MMP16: variants seen among roughly 807,000 people sequenced by gnomAD.
MMP16 encodes the protein matrix metallopeptidase 16, also known as matrix metalloproteinase-16.
Under a neutral mutation model 67.8 loss-of-function variants are expected in MMP16, and 12 were observed. That is an observed-to-expected ratio of 0.18 (90% CI 0.11 to 0.29). The LOEUF (loss-of-function observed/expected upper bound fraction) is 0.29. Among genes scored for constraint, MMP16 ranks in the 10% least tolerant of loss-of-function variants. The probability of loss-of-function intolerance (pLI) is 1.00; values close to 1 mark genes in which losing one functional copy is unlikely to be tolerated. For missense variants in MMP16, 475 were observed against 765.7 expected (o/e 0.62, Z 4.48); for synonymous variants, 249 against 255.9 (o/e 0.97, Z 0.26).
At chr8:88,089,630 A>T (rs1808899967) in intron 6 of MMP16, among the ~76,000 whole-genome samples, 1 of 151,958 alleles carries the variant, frequency 6.6e-6, no homozygotes, top group Middle Eastern at 3.2e-3. Context: ...ATACATGGGG[A>T]TTCAGAAGGG....
rs572865762 is a variant in MMP16 at position 88,321,824 on chromosome 8, A to G, written c.132+5251T>C. On this transcript the variant is annotated intron_variant, in intron 1 of 9. Transcript: ENST00000286614. ...TCTCATTGTTGCAGATGAGATATCAAATAAGTTACATGTCCAAGTTCAAAG... is the reference window on the plus strand; with the variant it reads ...TCTCATTGTTGCAGATGAGATATCAGATAAGTTACATGTCCAAGTTCAAAG... Among the ~76,000 whole-genome samples the G allele has an allele frequency of 1.7e-4, 26 of 152,284 alleles. No homozygotes were observed. The South Asian group carries it at 5.2e-3, about 30-fold the overall frequency.
intron 1 of MMP16, among the ~76,000 whole-genome samples, chr8:88,249,836 C>T (rs1487630355): frequency 6.6e-6 from 1 of 152,050 alleles, no homozygotes; most frequent in African/African-American, 2.4e-5. Context: ...CTGTGTCCAA[C>T]TAGGTGTTTC....
rs572147536 is a variant in MMP16 at position 88,042,207 on chromosome 8, G to T, written c.1490-412C>A. Reference sequence around the variant, plus strand: ...AAACAGCCTTATAAACTGAAACACTGTTTACCCTCAGGCTGTTACTGGGAA... The same window carrying T: ...AAACAGCCTTATAAACTGAAACACTTTTTACCCTCAGGCTGTTACTGGGAA... On this transcript the variant is annotated intron_variant, in intron 9 of 9. Transcript: ENST00000286614. 2.0e-5 allele frequency among the ~76,000 whole-genome samples: 3 copies of T among 152,262 alleles called. No individual in the cohort carries two copies. The South Asian group carries it at 6.2e-4, about 32-fold the overall frequency.
At chr8:88,208,713 A>G (rs139942077) in intron 1 of MMP16, among the ~76,000 whole-genome samples, 1 of 152,248 alleles carries the variant, frequency 6.6e-6, no homozygotes, top group Non-Finnish European at 1.5e-5. Flanking sequence ...TCTTGAAACA[A>G]TAAATTCTTG....
chr8:88,276,850 C>T (rs945592121), intron 1 of MMP16, among the ~76,000 whole-genome samples: 1 of 152,064 alleles, frequency 6.6e-6, no homozygotes, highest in South Asian at 2.1e-4. Flanking sequence ...AAGTTTCATT[C>T]TTTCCATGTC....
intron 1 of MMP16, among the ~76,000 whole-genome samples, chr8:88,297,866 G>GT (rs1441031646): frequency 6.6e-6 from 1 of 152,208 alleles, no homozygotes; most frequent in Admixed American, 6.5e-5. Context: ...TTAGCACAAT[G>GT]TCTGGCACAT....
intron 6 of MMP16, among the ~76,000 whole-genome samples, chr8:88,110,041 A>G (rs1485561722): frequency 1.3e-5 from 2 of 151,374 alleles, no homozygotes; most frequent in Non-Finnish European, 3.0e-5. Flanking sequence ...GAATTTTACC[A>G]AAATAAAATG....
chr8:88,185,687 G>C (rs1028259494), intron 3 of MMP16, among the ~76,000 whole-genome samples: 1 of 152,090 alleles, frequency 6.6e-6, no homozygotes, highest in Non-Finnish European at 1.5e-5. Flanking sequence ...GGTTTAACAA[G>C]TTCTTTCCTT....
intron 4 of MMP16, among the ~76,000 whole-genome samples, chr8:88,121,473 T>C (rs575012642): frequency 6.6e-6 from 1 of 152,152 alleles, no homozygotes; most frequent in South Asian, 2.1e-4. Context: ...GTGATTTGAA[T>C]TCCACTAGGA....
chr8:88,145,728 C>G (rs1808279602), intron 4 of MMP16, among the ~76,000 whole-genome samples: 1 of 151,980 alleles, frequency 6.6e-6, no homozygotes, highest in South Asian at 2.1e-4. Context: ...TAAAAGCAAT[C>G]TTCTTAGTCT....
At chr8:88,174,191 T>G (rs1808848371) in intron 3 of MMP16, among the ~76,000 whole-genome samples, 1 of 152,184 alleles carries the variant, frequency 6.6e-6, no homozygotes, top group Admixed American at 6.5e-5. Context: ...AAATAGAAAC[T>G]AATCAATATA....
chr8:88,145,361 G>A (rs973992463), intron 4 of MMP16, among the ~76,000 whole-genome samples: 33 of 151,886 alleles, frequency 2.2e-4, no homozygotes, highest in Admixed American at 1.3e-3. Context: ...AGGAAAAAAT[G>A]GTATTATAAT....
chr8:88,156,356 T>TCTGA (rs1240547164), intron 4 of MMP16, among the ~76,000 whole-genome samples: 4 of 152,120 alleles, frequency 2.6e-5, no homozygotes, highest in African/African-American at 9.7e-5. Flanking sequence ...AGTCTTCTTT[T>TCTGA]CTGATGCATT....
chr8:88,074,670 C>T lies in MMP16; in HGVS notation c.1157G>A (p.Arg386Gln), dbSNP rs368200792. 28 of 1,613,568 alleles carry T rather than the reference C, an allele frequency of 1.7e-5. No individual in the cohort carries two copies. The highest frequency in any genetic ancestry group is 2.2e-5 in the Non-Finnish European group (26 of 1,179,768). The stretch of plus-strand genomic sequence containing the variant: ...TGCATCGATACTAGGAGGCAAGCCC[C>T]GCCAGAAGTAAGTAATTTGCATTGG... ...GYPMQITYFW[R>Q]GLPPSIDAVY... The change falls in exon 7 of 10, where the codon CGG becomes CAG. Residue 386 changes from arginine (R) to glutamine (Q), a missense_variant. Arg to Gln is a conservative substitution (Grantham distance 43). Transcript: ENST00000286614.
Position 88,219,901 on chromosome 8 carries a change from T to C in MMP16, c.133-22595A>G, listed in dbSNP as rs545624116. ...TTTGAAAGGAGTCAAAACAGTCTTT[T>C]CATTTTTTTAAATTTCTTCTTATGA... On this transcript the variant is annotated intron_variant, in intron 1 of 9. Coordinates refer to ENST00000286614, the MANE Select transcript of MMP16 (RefSeq NM_005941.5). 1.4e-3 allele frequency among the ~76,000 whole-genome samples: 206 copies of C among 152,218 alleles called. 3 individuals are homozygous for C. The highest frequency in any genetic ancestry group is 3.4e-3 in the Middle Eastern group (1 of 294).
At chr8:88,151,770 C>T (rs981469818) in intron 4 of MMP16, among the ~76,000 whole-genome samples, 1 of 150,490 alleles carries the variant, frequency 6.6e-6, no homozygotes, top group African/African-American at 2.5e-5. Flanking sequence ...AGGAAAGATC[C>T]AAAATTGACA....
intron 6 of MMP16, among the ~76,000 whole-genome samples, chr8:88,096,890 T>C (rs1377297548): frequency 6.6e-6 from 1 of 151,970 alleles, no homozygotes; most frequent in African/African-American, 2.4e-5. Context: ...TTTAAAACAC[T>C]GTAAGTGATC....
intron 1 of MMP16, among the ~76,000 whole-genome samples, chr8:88,222,843 A>T (rs571052275): frequency 1.3e-5 from 2 of 152,304 alleles, no homozygotes; most frequent in African/African-American, 4.8e-5. Context: ...AAACAGACAA[A>T]TGGGATCTAA....
At chr8:88,193,013 A>G (rs1220256719) in intron 2 of MMP16, among the ~76,000 whole-genome samples, 1 of 152,112 alleles carries the variant, frequency 6.6e-6, no homozygotes, top group Non-Finnish European at 1.5e-5. Flanking sequence ...TCAAAAAACT[A>G]AAAATAGAAC....
Sources: allele counts gnomAD v4.1 joint callset (sites outside exome capture counted in the v4.1 genomes callset), GRCh38; gene constraint gnomAD v4.1.1; transcripts MANE v1.5; gene names NCBI Gene and HGNC (gene_info 2026-07-23, HGNC 2026-07-21).